The following CCDC178 variants were observed in gnomAD, a reference collection of about 807,000 sequenced individuals.
CCDC178 encodes coiled-coil domain containing 178.
In CCDC178, 126 loss-of-function variants were observed where a neutral mutation model predicts 117.4. The ratio of observed to expected loss-of-function variants is 1.07; its 90% CI spans 0.93 to 1.24. CCDC178 has a LOEUF of 1.24. CCDC178 is among the 50% of genes most tolerant of loss of function. The pLI, the probability that CCDC178 is intolerant of heterozygous loss-of-function variation, is 0.00. For synonymous variants in CCDC178, 283 were observed against 313.4 expected (o/e 0.90, Z 1.02); for missense variants, 1,030 against 986.9 (o/e 1.04, Z -0.59).
chr18:33,055,532 T>C (rs922027937), intron 21 of CCDC178, among the ~76,000 whole-genome samples: 1 of 152,062 alleles, frequency 6.6e-6, no homozygotes, highest in South Asian at 2.1e-4. Context: ...TCTTACTTTG[T>C]TGCCCAGGCT....
At chr18:33,116,332 G>T (rs575100155) in intron 20 of CCDC178, among the ~76,000 whole-genome samples, 81 of 152,280 alleles carry the variant, frequency 5.3e-4, no homozygotes, top group Middle Eastern at 3.4e-3. Context: ...CTAAGGCAAA[G>T]ATGTTCTAAA....
intron 20 of CCDC178, among the ~76,000 whole-genome samples, chr18:33,126,530 C>G (rs953348940): frequency 6.6e-6 from 1 of 151,590 alleles, no homozygotes; most frequent in Admixed American, 6.6e-5. Context: ...GGTTCCAGGA[C>G]CCCCTGCATA....
At chr18:33,219,257 A>G (rs915589679) in intron 18 of CCDC178, among the ~76,000 whole-genome samples, 2 of 152,144 alleles carry the variant, frequency 1.3e-5, no homozygotes, top group Non-Finnish European at 2.9e-5. Context: ...AATGGCAATC[A>G]TTAAAAAGTC....
chr18:33,323,330 A>G (rs988440037), intron 11 of CCDC178, 161 bp downstream of exon 11: 1 of 385,784 alleles, frequency 2.6e-6, no homozygotes, highest in South Asian at 1.1e-4. Context: ...TGAAATATAT[A>G]TCTTTTTATT....
chr18:33,035,624 G>A (rs1317860940), intron 21 of CCDC178, among the ~76,000 whole-genome samples: 2 of 152,092 alleles, frequency 1.3e-5, no homozygotes, highest in African/African-American at 2.4e-5. Flanking sequence ...GGGATTGGGA[G>A]AAATGGGAGA....
chr18:33,096,385 A>AATATAAAATTTTTATATTTT (rs1479852925), intron 20 of CCDC178, among the ~76,000 whole-genome samples: 28 of 140,574 alleles, frequency 2.0e-4, no homozygotes, highest in African/African-American at 6.7e-4. Flanking sequence ...TTTATATAAA[A>AATATAAAATTTTTATATTTT]ATATAAAAAT....
At chr18:32,988,160 G>A (rs965735672) in intron 21 of CCDC178, among the ~76,000 whole-genome samples, 4 of 147,728 alleles carry the variant, frequency 2.7e-5, no homozygotes, top group South Asian at 2.2e-4. Context: ...TGGCTGACGC[G>A]GTGGCTCACG....
At chr18:33,394,213 A>C (rs886293799) in intron 4 of CCDC178, among the ~76,000 whole-genome samples, 1 of 151,994 alleles carries the variant, frequency 6.6e-6, no homozygotes, top group African/African-American at 2.4e-5. Context: ...ACCAATGAGG[A>C]TGAAAAAAAT....
At chr18:33,139,800 A>C (rs2058176711) in intron 20 of CCDC178, among the ~76,000 whole-genome samples, 1 of 152,194 alleles carries the variant, frequency 6.6e-6, no homozygotes, top group African/African-American at 2.4e-5. Flanking sequence ...CTGCTGCAGA[A>C]ATTTGCGTAA....
chr18:33,243,690 T>C (rs2059514081), intron 15 of CCDC178, among the ~76,000 whole-genome samples: 1 of 151,900 alleles, frequency 6.6e-6, no homozygotes, highest in African/African-American at 2.4e-5. Context: ...GTGCAACATC[T>C]CTTTCATAAG....
intron 20 of CCDC178, among the ~76,000 whole-genome samples, chr18:33,100,306 G>A (rs534243020): frequency 6.6e-6 from 1 of 152,102 alleles, no homozygotes; most frequent in African/African-American, 2.4e-5. Context: ...GAAATTCATT[G>A]AGAATTTTTG....
At chr18:33,261,075 T>C (rs908097243) in intron 14 of CCDC178, among the ~76,000 whole-genome samples, 1 of 83,094 alleles carries the variant, frequency 1.2e-5, no homozygotes, top group African/African-American at 3.6e-5. Flanking sequence ...TCAGGGTTTT[T>C]TTTTTCTGTT....
chr18:33,284,256 G>A (rs2060069096), intron 12 of CCDC178, among the ~76,000 whole-genome samples: 1 of 152,080 alleles, frequency 6.6e-6, no homozygotes, highest in Admixed American at 6.5e-5. Flanking sequence ...ACCTATCAGA[G>A]GGTGGAGAGT....
chr18:33,213,423 A>C (rs2059129539), intron 19 of CCDC178, among the ~76,000 whole-genome samples: 1 of 151,890 alleles, frequency 6.6e-6, no homozygotes, highest in African/African-American at 2.4e-5. Flanking sequence ...AACATTCCAA[A>C]TTATTAAGTG....
At chr18:33,305,749 CCTT>C in intron 11 of CCDC178, among the ~76,000 whole-genome samples, 1 of 152,304 alleles carries the variant, frequency 6.6e-6, no homozygotes, top group Non-Finnish European at 1.5e-5. Context: ...TCCCCCTCCT[CCTT>C]CTTCTCCTCC....
chr18:33,435,465 A>C, intron 2 of CCDC178, among the ~76,000 whole-genome samples: 1 of 152,092 alleles, frequency 6.6e-6, no homozygotes. Context: ...AAAAGTATTC[A>C]ATATATATTA....
At chr18:32,983,607 T>C (rs2055199274) in intron 21 of CCDC178, among the ~76,000 whole-genome samples, 1 of 152,106 alleles carries the variant, frequency 6.6e-6, no homozygotes, top group Non-Finnish European at 1.5e-5. Flanking sequence ...GAGCTTTTCC[T>C]ATAGGAATTT....
intron 21 of CCDC178, among the ~76,000 whole-genome samples, chr18:32,988,799 T>G (rs1471328745): frequency 6.6e-6 from 1 of 151,880 alleles, no homozygotes; most frequent in Non-Finnish European, 1.5e-5. Flanking sequence ...AAAGAAAAAT[T>G]GATAAACATA....
intron 20 of CCDC178, among the ~76,000 whole-genome samples, chr18:33,138,781 T>G (rs1431110530): frequency 6.6e-6 from 1 of 152,162 alleles, no homozygotes; most frequent in African/African-American, 2.4e-5. Context: ...CAGTTTTGTC[T>G]GACTCCAAAG....
Sources: gnomAD v4.1 joint callset for allele counts (sites outside exome capture counted in the v4.1 genomes callset) on GRCh38, gnomAD v4.1.1 for gene constraint, MANE v1.5 for transcripts, NCBI Gene and HGNC (gene_info 2026-07-23, HGNC 2026-07-21) for gene names.